Variants in FAM186B observed in about 807,000 individuals in gnomAD.
FAM186B encodes protein FAM186B.
FAM186B carries 68 observed loss-of-function variants against 83.4 expected under a neutral mutation model. The ratio of observed to expected loss-of-function variants is 0.81; its 90% confidence interval spans 0.67 to 1.00. The LOEUF (loss-of-function observed/expected upper bound fraction) is 1.00, where lower values mean the gene tolerates loss of function less well. Ranked by LOEUF, FAM186B falls within the 50% of genes least tolerant of loss-of-function variation. FAM186B has a pLI of 0.00. For synonymous variants in FAM186B, 389 were observed against 422.0 expected (o/e 0.92, Z 0.96); for missense variants, 983 against 1,099.2 (o/e 0.89, Z 1.49).
the FAM186B span, among the ~76,000 whole-genome samples, chr12:49,612,606 T>C: frequency 6.6e-6 from 1 of 152,030 alleles, no homozygotes; most frequent in Non-Finnish European, 1.5e-5. Flanking sequence ...ACAATTCTTC[T>C]TCCAGTGTGG....
chr12:49,599,501 C>T lies in FAM186B; in HGVS notation c.2139G>A (p.Lys713=). 1 of 1,564,518 alleles carries T rather than the reference C, an allele frequency of 6.4e-7. No individual in the cohort carries two copies. The highest frequency in any genetic ancestry group is 8.6e-7 in the Non-Finnish European group (1 of 1,159,070). ...GALRLQYLCH[K]YIFYRRLQSL... is the part of the protein sequence containing the mutation. Reference sequence around the variant, plus strand: ...TCTGGAGGCGTCTATAGAAGATGTACTTATGGCACAGGTACTGCAGCCTGA... The same window carrying T: ...TCTGGAGGCGTCTATAGAAGATGTATTTATGGCACAGGTACTGCAGCCTGA... Residue 713 remains lysine (K), a synonymous_variant, in exon 4 of 7, where the codon AAG becomes AAA. Transcript: ENST00000257894.
At chr12:49,605,174 C>G in intron 1 of FAM186B, 1 of 1,391,178 alleles carries the variant, frequency 7.2e-7, no homozygotes, top group East Asian at 2.8e-5. Flanking sequence ...CCAGCCCTGC[C>G]TCAGGCGGGT....
rs1436730555 is a variant in FAM186B at position 49,599,829 on chromosome 12, G to C, written c.1811C>G (p.Ala604Gly). The C allele has an allele frequency of 6.2e-7, 1 of 1,611,342 alleles. No individual in the cohort carries two copies. The highest frequency in any genetic ancestry group is 1.7e-5 in the Admixed American group (1 of 59,746). Reference protein sequence around the residue: ...LPMSPSTQQPALGKQRPMSSV... With the variant: ...LPMSPSTQQPGLGKQRPMSSV... Reference sequence around the variant, plus strand: ...ACTCATAGGTCTCTGCTTTCCCAGGGCAGGCTGCTGGGTACTAGGAGACAT... The same window carrying C: ...ACTCATAGGTCTCTGCTTTCCCAGGCCAGGCTGCTGGGTACTAGGAGACAT... Residue 604 changes from alanine (A) to glycine (G), a missense_variant, in exon 4 of 7, where the codon GCC (alanine) becomes GGC (glycine). Transcript: ENST00000257894.
chr12:49,600,001 C>G lies in FAM186B; in HGVS notation c.1639G>C (p.Glu547Gln), dbSNP rs747733317. 1.9e-6 allele frequency: 3 copies of G among 1,612,586 alleles called. No homozygotes were observed. Among genetic ancestry groups the G allele is most frequent in the Non-Finnish European group, 8.5e-7 (1 of 1,179,370 alleles). ...ACATCCTCCCCTAGCTGCTCTGGCTCTCTCCGTGGGCTCTCCTGCTCCTTT... is the reference window on the plus strand; with the variant it reads ...ACATCCTCCCCTAGCTGCTCTGGCTGTCTCCGTGGGCTCTCCTGCTCCTTT... ...LEKEQESPRR[E>Q]PEQLGEDVER... Residue 547 changes from glutamate to glutamine, a missense_variant, in exon 4 of 7, where the codon GAG (glutamate) becomes CAG (glutamine). Transcript: ENST00000257894. The surrounding 1 kb of genome is among the most constrained non-coding windows in gnomAD (Gnocchi z 4.3).
chr12:49,598,925 G>T lies in FAM186B; in HGVS notation c.2194C>A (p.Gln732Lys). 1 of 1,613,838 alleles carries T rather than the reference G, an allele frequency of 6.2e-7. No individual in the cohort carries two copies. The highest frequency in any genetic ancestry group is 8.5e-7 in the Non-Finnish European group (1 of 1,179,964). Residue 732 changes from glutamine to lysine, a missense_variant, in exon 5 of 7, where the codon CAA becomes AAA. Gln to Lys is a moderately conservative substitution (Grantham distance 53). Coordinates refer to ENST00000257894, the MANE Select transcript of FAM186B (RefSeq NM_032130.3). The part of the protein sequence containing the change: ...SLRQEAINHV[Q>K]IMKETEASYK... ...GAAGCCTCCGTTTCTTTCATGATTT[G>T]TACATGGTTGATCGCTTCTTGCCTG...
chr12:49,614,916 G>A, the FAM186B span, among the ~76,000 whole-genome samples: 1 of 152,106 alleles, frequency 6.6e-6, no homozygotes, highest in Non-Finnish European at 1.5e-5. Context: ...GGATCACGAG[G>A]TCTGGAGATC....
chr12:49,589,605 T>C (rs1011753765), intron 5 of FAM186B, among the ~76,000 whole-genome samples: 4 of 151,882 alleles, frequency 2.6e-5, no homozygotes, highest in Non-Finnish European at 5.9e-5. Context: ...CTGTTTTACA[T>C]CTGTTGTAGA....
chr12:49,607,247 C>T (rs1174789048), upstream of FAM186B, among the ~76,000 whole-genome samples: 1 of 151,966 alleles, frequency 6.6e-6, no homozygotes, highest in African/African-American at 2.4e-5. Flanking sequence ...ATCAATGCAA[C>T]TAAAATCTGA....
In FAM186B at chr12:49,601,136, T is replaced by C. The variant is rs549662742; in HGVS notation, c.506-2A>G. 29 of 1,547,156 alleles carry C rather than the reference T, an allele frequency of 1.9e-5. No homozygotes were observed. Among genetic ancestry groups the C allele is most frequent in the South Asian group, 9.9e-5 (8 of 80,624 alleles). On this transcript the variant is annotated splice_acceptor_variant, in intron 3 of 6. Coordinates refer to ENST00000257894, the MANE Select transcript of FAM186B (RefSeq NM_032130.3). LOFTEE classifies it high-confidence loss of function. Reference sequence around the variant, plus strand: ...CCTGCCAGAAGGTGCGTTTGGACACTGGGACAGGTAGAGAGAAAAAAGTCA... The same window carrying C: ...CCTGCCAGAAGGTGCGTTTGGACACCGGGACAGGTAGAGAGAAAAAAGTCA...
the FAM186B span, among the ~76,000 whole-genome samples, chr12:49,611,566 A>G: frequency 1.1e-4 from 15 of 142,310 alleles, no homozygotes; most frequent in African/African-American, 3.7e-4. Context: ...AAAAATAAAT[A>G]AATAAAAATG....
intron 5 of FAM186B, among the ~76,000 whole-genome samples, chr12:49,589,513 A>G (rs1939530394): frequency 1.3e-5 from 2 of 152,226 alleles, no homozygotes. Flanking sequence ...AAAGATGGAT[A>G]TGGATATAAA....
upstream of FAM186B, among the ~76,000 whole-genome samples, chr12:49,609,295 A>G (rs1327461371): frequency 2.0e-5 from 3 of 152,150 alleles, no homozygotes; most frequent in Non-Finnish European, 4.4e-5. Context: ...CTCAACACTC[A>G]GGGAGATCTC....
upstream of FAM186B, among the ~76,000 whole-genome samples, chr12:49,606,498 C>CAT (rs1433660924): frequency 6.8e-6 from 1 of 146,428 alleles, no homozygotes; most frequent in Non-Finnish European, 1.5e-5. Context: ...CACACACACA[C>CAT]ACACACACAC....
At chr12:49,585,662 A>G (rs1437039612), downstream of FAM186B, among the ~76,000 whole-genome samples, 1 of 152,218 alleles carries the variant, frequency 6.6e-6, no homozygotes, top group African/African-American at 2.4e-5. Flanking sequence ...AGAATGGGAC[A>G]TGAGGTCAGG....
chr12:49,597,525 T>G (rs1330782082), intron 5 of FAM186B, among the ~76,000 whole-genome samples: 1 of 152,186 alleles, frequency 6.6e-6, no homozygotes, highest in Admixed American at 6.5e-5. Context: ...TACATAGGAC[T>G]AAGAAACTGA....
chr12:49,584,011 GCTCACCTTTGCCT>G (rs1939388655), downstream of FAM186B: 1 of 158,816 alleles, frequency 6.3e-6, no homozygotes, highest in South Asian at 1.8e-4. Context: ...TCAGAGACAC[GCTCACCTTTGCCT>G]CCCACCTTAT....
chr12:49,621,142 C>G, the FAM186B span, among the ~76,000 whole-genome samples: 174 of 152,296 alleles, frequency 1.1e-3, no homozygotes, highest in African/African-American at 3.9e-3. Flanking sequence ...CAACACTTTG[C>G]CAGGTCGAGG....
downstream of FAM186B, among the ~76,000 whole-genome samples, chr12:49,587,312 G>C (rs1160038453): frequency 6.6e-6 from 1 of 152,098 alleles, no homozygotes; most frequent in Non-Finnish European, 1.5e-5. Context: ...GGTGAGATGG[G>C]GCTCTTCAGA....
chr12:49,600,884 C>A lies in FAM186B; in HGVS notation c.756G>T (p.Lys252Asn). The change falls in exon 4 of 7, where the codon AAG becomes AAT. Residue 252 changes from lysine to asparagine, a missense_variant. Lys to Asn is a moderately conservative substitution (Grantham distance 94, BLOSUM62 0). Transcript: ENST00000257894. The surrounding 1 kb of genome is among the most constrained non-coding windows in gnomAD (Gnocchi z 4.3). ...ATTTGGTCTCCAGGCTCCTGTTCTC[C>A]TTGTGTTGGAGGATCAAGGCCTTGT... ...NLNKALILQHKENRSLETKYR... is the reference protein window; with the variant it reads ...NLNKALILQHNENRSLETKYR... The A allele has an allele frequency of 3.7e-6, 6 of 1,614,178 alleles. No homozygotes were observed. Among genetic ancestry groups the A allele is most frequent in the Non-Finnish European group, 5.1e-6 (6 of 1,180,010 alleles).
Sources: allele counts gnomAD v4.1 joint callset (sites outside exome capture counted in the v4.1 genomes callset), GRCh38; gene constraint gnomAD v4.1.1; non-coding constraint Gnocchi (gnomAD v3.1); transcripts MANE v1.5; gene names NCBI Gene and HGNC (gene_info 2026-07-23, HGNC 2026-07-21).